KCNN2: variants seen among roughly 807,000 people sequenced by gnomAD.
KCNN2 encodes the protein small conductance calcium-activated potassium channel protein 2.
Under a neutral mutation model 55.5 loss-of-function variants are expected in KCNN2, and 24 were observed. The ratio of observed to expected loss-of-function variants is 0.43; its 90% confidence interval spans 0.31 to 0.61. The LOEUF (loss-of-function observed/expected upper bound fraction) is 0.61. Ranked by LOEUF, KCNN2 falls within the 20% of genes least tolerant of loss-of-function variation. The pLI is 0.08. For missense variants in KCNN2, 754 were observed against 853.6 expected (o/e 0.88, Z 1.45); for synonymous variants, 431 against 336.1 (o/e 1.28, Z -3.09).
intron 1 of KCNN2, among the ~76,000 whole-genome samples, chr5:114,185,577 T>C (rs891786174): frequency 4.6e-5 from 7 of 152,208 alleles, no homozygotes; most frequent in Non-Finnish European, 1.0e-4. Context: ...GTTTTCCCTA[T>C]CTTTTTCCTT....
At chr5:114,152,611 C>T (rs1032739983) in intron 1 of KCNN2, among the ~76,000 whole-genome samples, 11 of 152,084 alleles carry the variant, frequency 7.2e-5, no homozygotes, top group African/African-American at 2.7e-4. Context: ...GTTTTCCAAG[C>T]TGGGATTATC....
At chr5:114,257,265 G>A (rs1224882771) in intron 2 of KCNN2, among the ~76,000 whole-genome samples, 1 of 152,030 alleles carries the variant, frequency 6.6e-6, no homozygotes, top group Non-Finnish European at 1.5e-5. Context: ...ACTACACCCT[G>A]TAGTATAATT....
At chr5:114,151,755 A>G (rs1268213209) in intron 1 of KCNN2, among the ~76,000 whole-genome samples, 1 of 152,150 alleles carries the variant, frequency 6.6e-6, no homozygotes, top group Non-Finnish European at 1.5e-5. Context: ...ATGTATTTCC[A>G]AGGAGTTATC....
intron 1 of KCNN2, among the ~76,000 whole-genome samples, chr5:114,150,631 CGTCTTTTCCT>C (rs1752502063): frequency 6.6e-6 from 1 of 152,128 alleles, no homozygotes; most frequent in South Asian, 2.1e-4. Context: ...GAATCAGACC[CGTCTTTTCCT>C]GTGACAAGAA....
intron 1 of KCNN2, among the ~76,000 whole-genome samples, chr5:114,178,632 G>T (rs1753181718): frequency 6.6e-6 from 1 of 151,964 alleles, no homozygotes; most frequent in Non-Finnish European, 1.5e-5. Context: ...CTTTTAGTGG[G>T]GCTCCTCTTC....
intron 2 of KCNN2, among the ~76,000 whole-genome samples, chr5:114,241,645 T>A (rs1305660090): frequency 6.7e-6 from 1 of 148,848 alleles, no homozygotes; most frequent in Non-Finnish European, 1.5e-5. Flanking sequence ...TAATCTATGT[T>A]AAATATTTAA....
intron 1 of KCNN2, among the ~76,000 whole-genome samples, chr5:114,118,434 G>A (rs1050118102): frequency 1.3e-5 from 2 of 152,142 alleles, no homozygotes; most frequent in Non-Finnish European, 2.9e-5. Context: ...GCCAGTTTGT[G>A]TAATTCAGTA....
In KCNN2 at chr5:114,177,962, C is replaced by T. The variant is rs72797666; in HGVS notation, c.-270-43518C>T. Among the ~76,000 whole-genome samples, 812 of 152,236 alleles carry T rather than the reference C, an allele frequency of 5.3e-3. 8 individuals are homozygous for T. Among genetic ancestry groups the T allele is most frequent in the Admixed American group, 0.015 (227 of 15,286 alleles). On this transcript the variant is annotated intron_variant, in intron 1 of 10. Transcript: ENST00000512097. ...GACCCAAATTCAGAAACCTGTGTTA[C>T]GCCTGTCTTAAGTTTGAGTGCCTTG...
intron 2 of KCNN2, among the ~76,000 whole-genome samples, chr5:114,329,992 T>C (rs1210452252): frequency 6.8e-6 from 1 of 148,032 alleles, no homozygotes; most frequent in African/African-American, 2.5e-5. Flanking sequence ...TAATCTAGGT[T>C]TGCAACAGTG....
chr5:114,347,735 A>G (rs984010977), intron 2 of KCNN2, among the ~76,000 whole-genome samples: 1 of 152,212 alleles, frequency 6.6e-6, no homozygotes, highest in Admixed American at 6.5e-5. Context: ...TACCTTGGCT[A>G]AAAACACAAA....
intron 3 of KCNN2, among the ~76,000 whole-genome samples, chr5:114,435,903 C>CATTT (rs1460436567): frequency 1.3e-5 from 2 of 152,156 alleles, no homozygotes; most frequent in African/African-American, 4.8e-5. Flanking sequence ...AGTTAATGAG[C>CATTT]ATTTGGACTT....
chr5:114,090,567 A>G (rs1751119489), intron 1 of KCNN2, among the ~76,000 whole-genome samples: 1 of 115,888 alleles, frequency 8.6e-6, no homozygotes, highest in South Asian at 3.0e-4. Context: ...CTCTCTATAT[A>G]TATATGTATG....
intron 2 of KCNN2, among the ~76,000 whole-genome samples, chr5:114,293,869 A>C (rs1162320144): frequency 3.3e-5 from 5 of 152,020 alleles, no homozygotes; most frequent in Non-Finnish European, 5.9e-5. Context: ...ACAATTTCAG[A>C]GCCTGTTATT....
intron 1 of KCNN2, among the ~76,000 whole-genome samples, chr5:114,189,641 A>C (rs752338751): frequency 2.0e-5 from 3 of 152,206 alleles, no homozygotes; most frequent in Non-Finnish European, 4.4e-5. Context: ...GCACTATTCC[A>C]AGCACTTTGT....
Position 114,190,595 on chromosome 5 carries a change from C to T in KCNN2, c.-270-30885C>T, listed in dbSNP as rs568656352. Among the ~76,000 whole-genome samples the T allele has an allele frequency of 6.6e-5, 10 of 152,212 alleles. No individual in the cohort carries two copies. The South Asian group carries it at 2.1e-3, about 32-fold the overall frequency. On this transcript the variant is annotated intron_variant, in intron 1 of 10. Transcript: ENST00000512097. The stretch of plus-strand genomic sequence containing the variant: ...CATTTTAAACAATATATAGTATCTA[C>T]ATAGAACCCACTGTATTCTGTATCT...
chr5:114,134,321 T>G, intron 1 of KCNN2, among the ~76,000 whole-genome samples: 1 of 151,218 alleles, frequency 6.6e-6, no homozygotes, highest in Non-Finnish European at 1.5e-5. Context: ...GGAAACTTTT[T>G]GAATTTAGAA....
chr5:114,348,575 A>C (rs1437549254), intron 2 of KCNN2, among the ~76,000 whole-genome samples: 2 of 152,178 alleles, frequency 1.3e-5, no homozygotes, highest in African/African-American at 4.8e-5. Flanking sequence ...CATATCATTA[A>C]GAGAAATCTA....
At chr5:114,056,494 G>A (rs1010767314) in exon 1 of KCNN2, 1 of 398,530 alleles carries the variant, frequency 2.5e-6, no homozygotes, top group East Asian at 3.6e-5. Flanking sequence ...CCTGGTTGCA[G>A]AACGAGGTAA....
intron 2 of KCNN2, among the ~76,000 whole-genome samples, chr5:114,381,657 C>T (rs1400712396): frequency 6.6e-6 from 1 of 152,226 alleles, no homozygotes; most frequent in Non-Finnish European, 1.5e-5. Flanking sequence ...TTCAGCTCAT[C>T]TCTAACATCA....
Sources: gnomAD v4.1 joint callset for allele counts (sites outside exome capture counted in the v4.1 genomes callset) on GRCh38, gnomAD v4.1.1 for gene constraint, MANE v1.5 for transcripts, NCBI Gene and HGNC (gene_info 2026-07-23, HGNC 2026-07-21) for gene names.